Variants in MAPK10 observed in about 807,000 individuals in gnomAD.
MAPK10 encodes JNK3 alpha protein kinase.
Under a neutral mutation model 59.3 loss-of-function variants are expected in MAPK10, and 25 were observed. The ratio of observed to expected loss-of-function variants is 0.42; its 90% CI spans 0.31 to 0.59. MAPK10 has a LOEUF of 0.59. Among genes scored for constraint, MAPK10 ranks in the 20% least tolerant of loss-of-function variants. The pLI, the probability that MAPK10 is intolerant of heterozygous loss-of-function variation, is 0.15. For synonymous variants in MAPK10, 190 were observed against 200.5 expected, an observed-to-expected ratio of 0.95 and a Z score of 0.44; for missense variants, 351 against 568.9, an observed-to-expected ratio of 0.62 and a Z score of 3.90.
chr4:86,125,616 G>T (rs934192237), intron 4 of MAPK10: 1 of 151,982 alleles, frequency 6.6e-6, no homozygotes, highest in Non-Finnish European at 1.5e-5. Context: ...CTCTTCCGGG[G>T]TTACTGCTAC....
intron 2 of MAPK10, among the ~76,000 whole-genome samples, chr4:86,303,481 C>T (rs1215899940): frequency 6.6e-6 from 1 of 151,566 alleles, no homozygotes; most frequent in Non-Finnish European, 1.5e-5. Flanking sequence ...AGTGGGAAAA[C>T]TAGAAAGAAA....
At chr4:86,367,678 T>G (rs1039663457) in intron 1 of MAPK10, among the ~76,000 whole-genome samples, 1 of 152,126 alleles carries the variant, frequency 6.6e-6, no homozygotes, top group East Asian at 1.9e-4. Context: ...GTTTTGTTTT[T>G]TTTGGTGAAA....
chr4:86,105,992 C>T (rs1429749236), intron 5 of MAPK10, among the ~76,000 whole-genome samples: 9 of 152,120 alleles, frequency 5.9e-5, no homozygotes, highest in African/African-American at 7.2e-5. Flanking sequence ...TATTGTGGAT[C>T]GCCTTGCTCT....
intron 2 of MAPK10, among the ~76,000 whole-genome samples, chr4:86,225,148 A>G (rs1386892546): frequency 2.6e-5 from 4 of 152,192 alleles, no homozygotes; most frequent in Admixed American, 2.6e-4. Flanking sequence ...TTATCCCTAG[A>G]AATCCGTGCT....
chr4:86,156,605 T>C (rs1435127388), intron 4 of MAPK10, among the ~76,000 whole-genome samples: 1 of 152,056 alleles, frequency 6.6e-6, no homozygotes, highest in Non-Finnish European at 1.5e-5. Flanking sequence ...GCCACCACTT[T>C]GGCTGTCCAT....
chr4:86,589,017 AT>A (rs1762832918), intron 1 of MAPK10, among the ~76,000 whole-genome samples: 3 of 152,200 alleles, frequency 2.0e-5, no homozygotes, highest in Admixed American at 2.0e-4. Flanking sequence ...AAGCTGAATT[AT>A]TAGGTAAAGA....
At chr4:86,581,811 C>T (rs1762291326) in intron 1 of MAPK10, among the ~76,000 whole-genome samples, 1 of 147,424 alleles carries the variant, frequency 6.8e-6, no homozygotes. Context: ...ATTAATTGGA[C>T]ACACCAACTG....
At chr4:86,368,300 C>T (rs893905725) in intron 1 of MAPK10, among the ~76,000 whole-genome samples, 2 of 152,126 alleles carry the variant, frequency 1.3e-5, no homozygotes, top group African/African-American at 2.4e-5. Flanking sequence ...ATAGTTTCCC[C>T]TATTATTAAT....
Position 86,216,295 on chromosome 4 carries a change from CATATAT to C in MAPK10, c.-6-21894_-6-21889del, listed in dbSNP as rs10639041. ...ATAGCACACACACATATATATATAG[CATATAT>C]ATATATATATATATATAGCCACATA... is the stretch of plus-strand genomic sequence containing the variant. On this transcript the variant is annotated intron_variant, in intron 2 of 13. Coordinates refer to ENST00000641462, the MANE Select transcript of MAPK10 (RefSeq NM_138982.4). 2.6e-3 allele frequency among the ~76,000 whole-genome samples: 347 copies of C among 131,148 alleles called. 5 individuals carry two copies. Among genetic ancestry groups the C allele is most frequent in the Non-Finnish European group, 2.0e-3 (128 of 63,720 alleles). The allele number at this position is 131,148 out of a possible 152,430, so 86.0% of individuals were successfully genotyped here.
chr4:86,036,423 A>T, intron 11 of MAPK10, among the ~76,000 whole-genome samples: 1 of 137,596 alleles, frequency 7.3e-6, no homozygotes, highest in Admixed American at 7.8e-5. Flanking sequence ...AGTCTCTGAG[A>T]ACTTGATAAA....
chr4:86,501,053 T>C (rs1249233740), intron 1 of MAPK10, among the ~76,000 whole-genome samples: 1 of 147,916 alleles, frequency 6.8e-6, no homozygotes, highest in Non-Finnish European at 1.5e-5. Flanking sequence ...TATGAAACTC[T>C]TTACACTTTC....
intron 3 of MAPK10, among the ~76,000 whole-genome samples, chr4:86,175,211 C>T (rs1040566355): frequency 5.9e-5 from 9 of 152,152 alleles, no homozygotes; most frequent in South Asian, 2.1e-4. Context: ...ATTTGGGAAT[C>T]GAAATGGTTA....
In MAPK10 at chr4:86,477,947, C is replaced by T. The variant is rs185143894; in HGVS notation, c.-263+115963G>A. Among the ~76,000 whole-genome samples the T allele has an allele frequency of 3.3e-3, 507 of 152,262 alleles. 1 individual carries two copies. The highest frequency in any genetic ancestry group is 0.012 in the African/African-American group (485 of 41,540). ...CAGCAAATTACCTGGGCTGTACTGC[C>T]GCAAGGCTTCACGGACAGCCTCCAT... is the stretch of plus-strand genomic sequence containing the variant. On this transcript the variant is annotated intron_variant, in intron 1 of 4. Coordinates refer to the MAPK10 transcript ENST00000502302.
At chr4:86,415,149 A>AC (rs1162279601) in intron 1 of MAPK10, among the ~76,000 whole-genome samples, 4 of 151,700 alleles carry the variant, frequency 2.6e-5, no homozygotes, top group African/African-American at 9.7e-5. Context: ...AAAAAAAAAA[A>AC]AAAAAAACTT....
At chr4:86,247,303 T>A (rs2093159723) in intron 2 of MAPK10, among the ~76,000 whole-genome samples, 1 of 152,234 alleles carries the variant, frequency 6.6e-6, no homozygotes, top group Non-Finnish European at 1.5e-5. Flanking sequence ...AATACTGGTA[T>A]AATTGAGCAC....
intron 1 of MAPK10, among the ~76,000 whole-genome samples, chr4:86,522,951 G>C (rs770304674): frequency 6.6e-6 from 1 of 152,168 alleles, no homozygotes; most frequent in Non-Finnish European, 1.5e-5. Context: ...CACAGAATTT[G>C]TTGCTATATG....
intron 1 of MAPK10, among the ~76,000 whole-genome samples, chr4:86,390,846 AT>A: frequency 6.6e-6 from 1 of 152,318 alleles, no homozygotes; most frequent in South Asian, 2.1e-4. Flanking sequence ...CCAAAGCAAT[AT>A]ATTTGCTCTT....
intron 1 of MAPK10, among the ~76,000 whole-genome samples, chr4:86,430,399 A>G (rs1404674626): frequency 6.6e-6 from 1 of 152,166 alleles, no homozygotes; most frequent in Non-Finnish European, 1.5e-5. Flanking sequence ...TTCAACCAAT[A>G]TATTTTAAAC....
intron 1 of MAPK10, among the ~76,000 whole-genome samples, chr4:86,402,567 G>A (rs968802598): frequency 2.0e-5 from 3 of 152,128 alleles, no homozygotes; most frequent in Non-Finnish European, 2.9e-5. Context: ...TGTTATTCCA[G>A]GTTTTCTTAG....
Sources: allele counts gnomAD v4.1 joint callset (sites outside exome capture counted in the v4.1 genomes callset), GRCh38; gene constraint gnomAD v4.1.1; transcripts MANE v1.5; gene names NCBI Gene and HGNC (gene_info 2026-07-23, HGNC 2026-07-21).